KDM2B: variants seen among roughly 807,000 people sequenced by gnomAD.
KDM2B encodes lysine-specific demethylase 2B.
A neutral mutation model predicts 150.0 loss-of-function variants in KDM2B; 26 were observed. That is an observed-to-expected ratio of 0.17 (90% CI 0.13 to 0.24). The LOEUF (loss-of-function observed/expected upper bound fraction) is 0.24, where lower values mean the gene tolerates loss of function less well. Among genes scored for constraint, KDM2B ranks in the 10% least tolerant of loss-of-function variants. KDM2B has a pLI of 1.00. For missense variants in KDM2B, 1,265 were observed against 1,816.9 expected, an observed-to-expected ratio of 0.70 and a Z score of 5.52; for synonymous variants, 734 against 729.5, an observed-to-expected ratio of 1.01 and a Z score of -0.10.
intron 19 of KDM2B, among the ~76,000 whole-genome samples, chr12:121,441,536 A>G (rs1392880437): frequency 2.0e-5 from 3 of 152,066 alleles, no homozygotes; most frequent in Non-Finnish European, 4.4e-5. Context: ...TCCCAGGTTC[A>G]AGCTATTCTC....
intron 4 of KDM2B, among the ~76,000 whole-genome samples, chr12:121,562,644 G>T (rs1210855124): frequency 6.6e-6 from 1 of 150,782 alleles, no homozygotes; most frequent in Non-Finnish European, 1.5e-5. Flanking sequence ...AGGGAAGAAA[G>T]CATGGAGGAG....
intron 4 of KDM2B, 98 bp downstream of exon 4, chr12:121,574,449 T>G: frequency 1.7e-6 from 2 of 1,152,698 alleles, no homozygotes; most frequent in Non-Finnish European, 2.6e-6. Context: ...GACTTTGTTT[T>G]GAGAGGCAGT....
chr12:121,462,496 C>CTTT (rs1252083117), intron 12 of KDM2B, among the ~76,000 whole-genome samples: 2 of 144,740 alleles, frequency 1.4e-5, no homozygotes, highest in Non-Finnish European at 3.1e-5. Flanking sequence ...TAAAATTTCA[C>CTTT]TTTTTTTTTT....
chr12:121,576,578 C>T (rs986399163), intron 2 of KDM2B, among the ~76,000 whole-genome samples: 1 of 149,662 alleles, frequency 6.7e-6, no homozygotes, highest in African/African-American at 2.4e-5. Context: ...GGAAAATTCA[C>T]AGGCTCGCTC....
the KDM2B span, chr12:121,415,355 TCA>T: frequency 2.8e-6 from 1 of 359,360 alleles, no homozygotes; most frequent in Middle Eastern, 4.0e-4. Context: ...GCATAGTGGC[TCA>T]CACTTGTAAT....
In KDM2B at chr12:121,467,336, C is replaced by G; in HGVS notation, c.1735-13992G>C. On this transcript the variant is annotated intron_variant, in intron 12 of 22. Coordinates refer to ENST00000377071, the MANE Select transcript of KDM2B (RefSeq NM_032590.5). This position sits in a 1 kb window ranked among gnomAD's most constrained non-coding sequence, Gnocchi z 5.1. Reference sequence around the variant, plus strand: ...CGGGCTCGGGCTCGGGCTCCCGCTGCCGCGAGGAGGGAGCCGCGCCGCGCG... The same window carrying G: ...CGGGCTCGGGCTCGGGCTCCCGCTGGCGCGAGGAGGGAGCCGCGCCGCGCG... 1.0e-6 allele frequency: 1 copy of G among 981,910 alleles called. No homozygotes were observed. Among genetic ancestry groups the G allele is most frequent in the Non-Finnish European group, 1.2e-6 (1 of 828,462 alleles). The allele number at this position is 981,910 out of a possible 1,614,324, so 60.8% of individuals were successfully genotyped here. A position where few individuals can be genotyped will look rare whatever the true frequency, so the allele number is the denominator to read the frequency against.
At chr12:121,576,946 G>A (rs1265518656) in intron 2 of KDM2B, among the ~76,000 whole-genome samples, 1 of 152,168 alleles carries the variant, frequency 6.6e-6, no homozygotes, top group Non-Finnish European at 1.5e-5. Flanking sequence ...ACCCAAAGCC[G>A]GGGAAAGCCC....
chr12:121,464,337 A>T (rs1183850898), intron 12 of KDM2B, among the ~76,000 whole-genome samples: 1 of 152,252 alleles, frequency 6.6e-6, no homozygotes, highest in African/African-American at 2.4e-5. Flanking sequence ...CACATTTTGT[A>T]CTAGAGAAGC....
At chr12:121,420,804 C>G in the KDM2B span, 2 of 1,567,340 alleles carry the variant, frequency 1.3e-6, no homozygotes, top group South Asian at 2.2e-5. Flanking sequence ...CATTTTTTCC[C>G]TGTAGTATTT....
At chr12:121,498,842 A>C (rs1436181684) in intron 11 of KDM2B, among the ~76,000 whole-genome samples, 1 of 152,132 alleles carries the variant, frequency 6.6e-6, no homozygotes, top group Non-Finnish European at 1.5e-5. Flanking sequence ...TTTTAAAAAA[A>C]CAGAGAGTTG....
intron 12 of KDM2B, among the ~76,000 whole-genome samples, chr12:121,471,385 C>A (rs1444987701): frequency 5.9e-5 from 9 of 152,180 alleles, no homozygotes; most frequent in Non-Finnish European, 1.3e-4. Context: ...TCCTCCATCA[C>A]AATTGTCACT....
intron 4 of KDM2B, among the ~76,000 whole-genome samples, chr12:121,569,756 C>T (rs1890956926): frequency 6.6e-6 from 1 of 152,152 alleles, no homozygotes; most frequent in South Asian, 2.1e-4. Flanking sequence ...GAACATTCAT[C>T]GCTCCATTTG....
chr12:121,495,551 T>C (rs1883844069), intron 11 of KDM2B, among the ~76,000 whole-genome samples: 1 of 152,180 alleles, frequency 6.6e-6, no homozygotes, highest in Non-Finnish European at 1.5e-5. Context: ...CCTCCCTCCT[T>C]AGCCTACCAA....
rs1889328119 is a variant in KDM2B at position 121,549,648 on chromosome 12, G to A, written c.398-10C>T. ...ACAAGCCGCCGGCTCCCTGGAGGCA[G>A]AAGCCACACACTGGTTGTTCCTGCC... On this transcript the variant is annotated splice_polypyrimidine_tract_variant and intron_variant, in intron 4 of 22. Coordinates refer to ENST00000377071, the MANE Select transcript of KDM2B (RefSeq NM_032590.5). This position sits in a 1 kb window ranked among gnomAD's most constrained non-coding sequence, Gnocchi z 4.4. The A allele has an allele frequency of 6.4e-7, 1 of 1,564,810 alleles. No homozygotes were observed. Among genetic ancestry groups the A allele is most frequent in the Admixed American group, 1.7e-5 (1 of 57,288 alleles).
chr12:121,465,172 GAGA>G (rs1205728461), intron 12 of KDM2B, among the ~76,000 whole-genome samples: 34 of 152,200 alleles, frequency 2.2e-4, no homozygotes, highest in African/African-American at 7.7e-4. Flanking sequence ...TGACCAATGT[GAGA>G]AGGAGGAAGA....
Position 121,549,452 on chromosome 12 carries a change from G to A in KDM2B, c.576+8C>T, listed in dbSNP as rs376414870. 142 of 1,585,128 alleles carry A rather than the reference G, an allele frequency of 9.0e-5. No individual in the cohort carries two copies. Among genetic ancestry groups the A allele is most frequent in the Non-Finnish European group, 1.1e-4 (128 of 1,159,426 alleles). ...TATCTGGGGAGGGTACCTGGGCCCC[G>A]GACCTACCACAGTCGGACGCTTGAC... On this transcript the variant is annotated splice_region_variant and intron_variant, in intron 5 of 22. Coordinates refer to ENST00000377071, the MANE Select transcript of KDM2B (RefSeq NM_032590.5). This position sits in a 1 kb window ranked among gnomAD's most constrained non-coding sequence, Gnocchi z 4.4.
At chr12:121,478,245 G>T (rs190356842) in intron 12 of KDM2B, among the ~76,000 whole-genome samples, 2 of 151,806 alleles carry the variant, frequency 1.3e-5, no homozygotes, top group Non-Finnish European at 2.9e-5. Context: ...ATGGTGTGTC[G>T]AAGGGGACTG....
intron 12 of KDM2B, among the ~76,000 whole-genome samples, chr12:121,464,544 G>A (rs1879583633): frequency 6.6e-6 from 1 of 152,238 alleles, no homozygotes. Flanking sequence ...ACAGGTCTCA[G>A]GTGGGGATGA....
the KDM2B span, chr12:121,417,360 C>T: frequency 1.5e-6 from 1 of 685,622 alleles, no homozygotes; most frequent in Admixed American, 3.1e-5. This position sits in a 1 kb window ranked among gnomAD's most constrained non-coding sequence, Gnocchi z 5.0. Context: ...GCTTTTGAAA[C>T]ATGAAAATAC....
Sources: gnomAD v4.1 joint callset for allele counts (sites outside exome capture counted in the v4.1 genomes callset) on GRCh38, gnomAD v4.1.1 for gene constraint, Gnocchi (gnomAD v3.1) non-coding constraint, MANE v1.5 for transcripts, NCBI Gene and HGNC (gene_info 2026-07-23, HGNC 2026-07-21) for gene names.